The following RFWD3 variants were observed in gnomAD, a reference collection of about 807,000 sequenced individuals.
The protein encoded by RFWD3 is ring finger and WD repeat domain 3.
Under a neutral mutation model 87.7 loss-of-function variants are expected in RFWD3, and 65 were observed. That is an observed-to-expected ratio of 0.74 (90% confidence interval 0.61 to 0.91). RFWD3 has a LOEUF of 0.91. Ranked by LOEUF, RFWD3 falls within the 40% of genes least tolerant of loss-of-function variation. The pLI is 0.00. For missense variants in RFWD3, 1,078 were observed against 938.5 expected (o/e 1.15, Z -1.94); for synonymous variants, 433 against 352.8 (o/e 1.23, Z -2.55).
intron 8 of RFWD3, among the ~76,000 whole-genome samples, chr16:74,635,212 G>A (rs1959184443): frequency 6.6e-6 from 1 of 152,096 alleles, no homozygotes. Flanking sequence ...GAGAGGTGGA[G>A]CTTGCAGTGA....
intron 4 of RFWD3, among the ~76,000 whole-genome samples, chr16:74,648,650 T>G (rs1960343631): frequency 6.6e-6 from 1 of 151,658 alleles, no homozygotes; most frequent in African/African-American, 2.4e-5. Context: ...CGTGTGCCTG[T>G]AGTCCCAGCT....
In RFWD3 at chr16:74,664,017, G is replaced by A. The variant is rs1258704188; in HGVS notation, c.-2-2566C>T. Among the ~76,000 whole-genome samples, 3 of 152,310 alleles carry A rather than the reference G, an allele frequency of 2.0e-5. No homozygotes were observed. The South Asian group carries it at 6.2e-4, about 32-fold the overall frequency. On this transcript the variant is annotated intron_variant, in intron 1 of 12. Transcript: ENST00000361070. ...CCCCCTATGCACGAGAAAACTGGAGGTTTGAACCACACAGGCTTACACTCA... is the reference window on the plus strand; with the variant it reads ...CCCCCTATGCACGAGAAAACTGGAGATTTGAACCACACAGGCTTACACTCA...
chr16:74,647,584 GGCC>G (rs201334831), intron 4 of RFWD3, among the ~76,000 whole-genome samples: 2,781 of 148,728 alleles, frequency 0.019, 36 homozygotes, highest in Non-Finnish European at 0.028. Context: ...CACTGCGCCC[GGCC>G]AACATTATTA....
At chr16:74,639,310 T>G (rs1168367213) in intron 6 of RFWD3, among the ~76,000 whole-genome samples, 1 of 152,206 alleles carries the variant, frequency 6.6e-6, no homozygotes, top group Non-Finnish European at 1.5e-5. Flanking sequence ...AGTGCTGGGA[T>G]TACAGGTGTG....
chr16:74,650,561 C>A (rs1411875554), intron 3 of RFWD3, among the ~76,000 whole-genome samples: 1 of 152,032 alleles, frequency 6.6e-6, no homozygotes, highest in African/African-American at 2.4e-5. Flanking sequence ...AACCCTGCAA[C>A]CTAATGGTTT....
intron 12 of RFWD3, among the ~76,000 whole-genome samples, chr16:74,624,448 T>A (rs1369428765): frequency 6.6e-6 from 1 of 152,204 alleles, no homozygotes; most frequent in Non-Finnish European, 1.5e-5. Flanking sequence ...CAGGCTGCAG[T>A]GCAGTGGCAC....
chr16:74,647,228 A>T (rs1025404492), intron 4 of RFWD3, among the ~76,000 whole-genome samples: 1 of 152,232 alleles, frequency 6.6e-6, no homozygotes, highest in Admixed American at 6.5e-5. Context: ...ATGTTTTGAC[A>T]TTGGAAGAAT....
chr16:74,641,647 G>A (rs879824867), intron 6 of RFWD3, among the ~76,000 whole-genome samples: 5 of 151,810 alleles, frequency 3.3e-5, no homozygotes, highest in Admixed American at 6.6e-5. Flanking sequence ...CTTTCTGGCC[G>A]GGTGCAGTGC....
chr16:74,655,724 C>T (rs908959518), intron 2 of RFWD3, among the ~76,000 whole-genome samples: 4 of 151,752 alleles, frequency 2.6e-5, no homozygotes, highest in African/African-American at 4.8e-5. Context: ...GGGGTTTCAC[C>T]GTGTTAGCCA....
intron 2 of RFWD3, among the ~76,000 whole-genome samples, chr16:74,658,141 G>A (rs1451207823): frequency 6.6e-6 from 1 of 152,144 alleles, no homozygotes; most frequent in East Asian, 1.9e-4. Flanking sequence ...CTCCTTCCCT[G>A]CACTTACCAA....
chr16:74,655,279 G>A (rs1403700755), intron 2 of RFWD3, among the ~76,000 whole-genome samples: 7 of 151,962 alleles, frequency 4.6e-5, no homozygotes, highest in African/African-American at 7.2e-5. Flanking sequence ...TCACTTTGTC[G>A]CCCAGGTTAG....
intron 2 of RFWD3, among the ~76,000 whole-genome samples, chr16:74,652,508 A>G (rs1025927050): frequency 6.6e-6 from 1 of 152,158 alleles, no homozygotes; most frequent in Non-Finnish European, 1.5e-5. Context: ...GCCTCATGGG[A>G]TTTTGCTATT....
chr16:74,657,472 C>CTTTT (rs748644319), intron 2 of RFWD3, among the ~76,000 whole-genome samples: 1 of 92,546 alleles, frequency 1.1e-5, no homozygotes. Context: ...CCCAGGTTTT[C>CTTTT]TTTTTCTTTT....
At chr16:74,656,302 T>C (rs1362620954) in intron 2 of RFWD3, among the ~76,000 whole-genome samples, 2 of 98,066 alleles carry the variant, frequency 2.0e-5, no homozygotes, top group African/African-American at 4.0e-5. Context: ...TGAGACCTTG[T>C]CTTGCCAAAA....
At chr16:74,646,290 C>A (rs565081320) in intron 4 of RFWD3, among the ~76,000 whole-genome samples, 1 of 152,290 alleles carries the variant, frequency 6.6e-6, no homozygotes, top group African/African-American at 2.4e-5. Flanking sequence ...GTAGAAGCAT[C>A]ACCTGAGCCC....
Position 74,623,832 on chromosome 16 carries a change from G to C in RFWD3, c.*96C>G. 3 of 1,331,284 alleles carry C rather than the reference G, an allele frequency of 2.3e-6. No homozygotes were observed. Among genetic ancestry groups the C allele is most frequent in the Non-Finnish European group, 3.2e-6 (3 of 943,874 alleles). The allele number at this position is 1,331,284 out of a possible 1,614,324, so 82.5% of individuals were successfully genotyped here. A position where few individuals can be genotyped will look rare whatever the true frequency, so the allele number is the denominator to read the frequency against. ...ACAAACCATGATTCCCAATGTTCTA[G>C]ACTGCAGACAATAAACAGGGATCTT... On this transcript the variant is annotated 3_prime_UTR_variant, in exon 13 of 13. Transcript: ENST00000361070.
At chr16:74,633,299 G>GA (rs1348697390) in intron 8 of RFWD3, among the ~76,000 whole-genome samples, 1 of 115,192 alleles carries the variant, frequency 8.7e-6, no homozygotes, top group Non-Finnish European at 1.9e-5. Flanking sequence ...AAAAAGAAAA[G>GA]AAAAAAAAGT....
intron 8 of RFWD3, among the ~76,000 whole-genome samples, chr16:74,635,366 C>G (rs193035119): frequency 1.5e-4 from 23 of 151,998 alleles, no homozygotes; most frequent in Admixed American, 1.4e-3. Flanking sequence ...ACTTGGGAGG[C>G]TGAGGCAGGA....
At chr16:74,625,712 GC>G (rs1372959833) in intron 12 of RFWD3, among the ~76,000 whole-genome samples, 2 of 152,184 alleles carry the variant, frequency 1.3e-5, no homozygotes, top group African/African-American at 4.8e-5. Context: ...ATGAAAGTTA[GC>G]GCTAGCTTCT....
Sources: allele counts gnomAD v4.1 joint callset (sites outside exome capture counted in the v4.1 genomes callset), GRCh38; gene constraint gnomAD v4.1.1; transcripts MANE v1.5; gene names NCBI Gene and HGNC (gene_info 2026-07-23, HGNC 2026-07-21).